Variants in WDR4 observed in about 807,000 individuals in gnomAD.
WDR4 encodes WDR4 tRNA N7-guanosine methyltransferase non-catalytic subunit, also known as tRNA (guanine-N(7)-)-methyltransferase non-catalytic subunit WDR4.
A neutral mutation model predicts 48.6 loss-of-function variants in WDR4; 47 were observed. The observed-to-expected ratio is 0.97, with a 90% CI of 0.77 to 1.23. WDR4 has a LOEUF of 1.23. WDR4 is among the 50% of genes most tolerant of loss of function. WDR4 has a pLI of 0.00. For missense variants in WDR4, 606 were observed against 551.6 expected, an observed-to-expected ratio of 1.10 and a Z score of -0.99; for synonymous variants, 268 against 230.0, an observed-to-expected ratio of 1.17 and a Z score of -1.49.
the WDR4 span, among the ~76,000 whole-genome samples, chr21:42,886,078 T>C: frequency 6.6e-6 from 1 of 151,256 alleles, no homozygotes; most frequent in African/African-American, 2.4e-5. Flanking sequence ...TGTCTCAGCC[T>C]CCCGAGTAGC....
At chr21:42,859,487 C>T (rs138722372) in intron 6 of WDR4, among the ~76,000 whole-genome samples, 175 bp downstream of exon 6, 13 of 152,136 alleles carry the variant, frequency 8.5e-5, no homozygotes, top group African/African-American at 2.4e-4. Flanking sequence ...CACACGCAGT[C>T]CTGAGTGAGC....
chr21:42,865,967 C>T (rs1356468281), intron 3 of WDR4, among the ~76,000 whole-genome samples: 1 of 152,098 alleles, frequency 6.6e-6, no homozygotes. Context: ...ACACCAGGCA[C>T]CATCCACACC....
chr21:42,843,555 C>A (rs1226719267), intron 11 of WDR4, among the ~76,000 whole-genome samples: 1 of 151,386 alleles, frequency 6.6e-6, no homozygotes, highest in Non-Finnish European at 1.5e-5. Context: ...GGACTACAGG[C>A]ATGTGCCACC....
At chr21:42,878,762 A>G (rs2058558786) in intron 1 of WDR4, among the ~76,000 whole-genome samples, 1 of 152,196 alleles carries the variant, frequency 6.6e-6, no homozygotes, top group South Asian at 2.1e-4. Flanking sequence ...GAATAAAATT[A>G]CGGAAAGCAA....
chr21:42,859,348 T>C (rs2058063000), intron 6 of WDR4, among the ~76,000 whole-genome samples: 2 of 152,192 alleles, frequency 1.3e-5, no homozygotes, highest in Admixed American at 1.3e-4. Context: ...AGCCCCCGTC[T>C]ACTGTTTCTA....
chr21:42,856,731 C>G (rs976903881), intron 6 of WDR4, among the ~76,000 whole-genome samples: 1 of 152,020 alleles, frequency 6.6e-6, no homozygotes, highest in Non-Finnish European at 1.5e-5. Flanking sequence ...GATGCATATC[C>G]TCTGGGTGCC....
chr21:42,859,604 C>T, intron 6 of WDR4, 58 bp downstream of exon 6: 1 of 616,962 alleles, frequency 1.6e-6, no homozygotes, highest in Non-Finnish European at 2.6e-6. Flanking sequence ...GGCGCCCACC[C>T]CACCCTCCCT....
At chr21:42,861,608 A>C (rs1381261993) in intron 5 of WDR4, among the ~76,000 whole-genome samples, 1 of 152,112 alleles carries the variant, frequency 6.6e-6, no homozygotes, top group Non-Finnish European at 1.5e-5. Context: ...AAGTCAGAAG[A>C]AGCTATCCTG....
rs932007358 is a variant in WDR4, at chr21:42,850,046, C to G, written c.*3G>C. 6.2e-7 allele frequency: 1 copy of G among 1,613,548 alleles called. No individual in the cohort carries two copies. The highest frequency in any genetic ancestry group is 1.7e-5 in the Admixed American group (1 of 59,756). On this transcript the variant is annotated 3_prime_UTR_variant, in exon 11 of 11. Transcript: ENST00000398208. Reference sequence around the variant, plus strand: ...AGGTGAGAGACACCACTGACCGCCACGATCAGCAACTTAGCGTCGCCTCCC... The same window carrying G: ...AGGTGAGAGACACCACTGACCGCCAGGATCAGCAACTTAGCGTCGCCTCCC...
intron 2 of WDR4, among the ~76,000 whole-genome samples, chr21:42,874,103 G>A (rs371571891): frequency 1.2e-4 from 18 of 152,190 alleles, no homozygotes; most frequent in African/African-American, 3.4e-4. Flanking sequence ...GACCCCAAAC[G>A]GAGGGACCAG....
chr21:42,862,241 C>T lies in WDR4; in HGVS notation c.566+41G>A. ...GCCGCAAGCTGACGCTGTTTTCAAA[C>T]AGACCTTCTTTCTGCTGGAGGGGCA... On this transcript the variant is annotated intron_variant, in intron 5 of 10. Coordinates refer to ENST00000398208, the MANE Select transcript of WDR4 (RefSeq NM_018669.6). The surrounding 1 kb of genome is among the most constrained non-coding windows in gnomAD (Gnocchi z 4.3). The T allele has an allele frequency of 1.3e-6, 2 of 1,541,332 alleles. No individual in the cohort carries two copies. Among genetic ancestry groups the T allele is most frequent in the Non-Finnish European group, 1.8e-6 (2 of 1,136,872 alleles).
chr21:42,860,038 C>T (rs1390714244), intron 5 of WDR4, among the ~76,000 whole-genome samples: 2 of 152,132 alleles, frequency 1.3e-5, no homozygotes, highest in East Asian at 1.9e-4. Context: ...CTCTGCAGCC[C>T]CCTCTGCAGC....
intron 6 of WDR4, among the ~76,000 whole-genome samples, chr21:42,859,427 C>T (rs1156688540): frequency 6.6e-6 from 1 of 152,154 alleles, no homozygotes; most frequent in Non-Finnish European, 1.5e-5. Context: ...CTTCCACACA[C>T]CCGTGCTAGT....
chr21:42,863,911 T>C (rs13048586), intron 3 of WDR4, among the ~76,000 whole-genome samples: 60,129 of 106,702 alleles, frequency 0.56, 18,968 homozygotes, highest in African/African-American at 0.82. Flanking sequence ...TTGAGACCAT[T>C]CTGGCTAACA....
chr21:42,881,703 T>C (rs1263723707), upstream of WDR4, among the ~76,000 whole-genome samples: 3 of 152,232 alleles, frequency 2.0e-5, no homozygotes, highest in Admixed American at 2.0e-4. Flanking sequence ...TAATGCCACA[T>C]GTTACAGTAG....
chr21:42,869,347 C>T (rs3788040), intron 3 of WDR4, among the ~76,000 whole-genome samples: 91,404 of 152,126 alleles, frequency 0.6, 28,232 homozygotes, highest in African/African-American at 0.71. Context: ...AACCCACACA[C>T]TCCACTGTTG....
chr21:42,888,919 G>A, the WDR4 span, among the ~76,000 whole-genome samples: 1 of 151,542 alleles, frequency 6.6e-6, no homozygotes, highest in Admixed American at 6.6e-5. Flanking sequence ...GGCCAGGCTG[G>A]TCTCGAACTC....
intron 10 of WDR4, among the ~76,000 whole-genome samples, chr21:42,850,807 C>T (rs918997970): frequency 3.3e-5 from 5 of 152,202 alleles, no homozygotes; most frequent in Admixed American, 6.5e-5. Flanking sequence ...TCTGCCGCCA[C>T]AGGGAATGGA....
At chr21:42,859,570 G>C in intron 6 of WDR4, 92 bp downstream of exon 6, 1 of 1,376,208 alleles carries the variant, frequency 7.3e-7, no homozygotes, top group Non-Finnish European at 1.0e-6. Flanking sequence ...AGGGGCCAGC[G>C]ATCCACAGGG....
Sources: gnomAD v4.1 joint callset for allele counts (sites outside exome capture counted in the v4.1 genomes callset) on GRCh38, gnomAD v4.1.1 for gene constraint, Gnocchi (gnomAD v3.1) non-coding constraint, MANE v1.5 for transcripts, NCBI Gene and HGNC (gene_info 2026-07-23, HGNC 2026-07-21) for gene names.